CRB2: variants seen among roughly 807,000 people sequenced by gnomAD.
CRB2 encodes the protein protein crumbs homolog 2.
CRB2 carries 85 observed loss-of-function variants against 110.9 expected under a neutral mutation model. The ratio of observed to expected loss-of-function variants is 0.77; its 90% CI spans 0.64 to 0.92. The LOEUF (loss-of-function observed/expected upper bound fraction) is 0.92. Among genes scored for constraint, CRB2 ranks in the 40% least tolerant of loss-of-function variants. The pLI is 0.00. For synonymous variants in CRB2, 907 were observed against 831.0 expected (o/e 1.09, Z -1.57); for missense variants, 1,843 against 1,851.3 (o/e 1.00, Z 0.08).
chr9:123,356,050 G>A (rs575725130), upstream of CRB2: 19 of 422,484 alleles, frequency 4.5e-5, no homozygotes, highest in East Asian at 5.6e-4. Context: ...TAGGGGGCTT[G>A]AGGACTTGGG....
Position 123,359,434 on chromosome 9 carries a change from TTG to T in CRB2, c.94+3082_94+3083del, listed in dbSNP as rs1324543499. On this transcript the variant is annotated intron_variant, in intron 1 of 12. Coordinates refer to ENST00000373631, the MANE Select transcript of CRB2 (RefSeq NM_173689.7). Reference sequence around the variant, plus strand: ...TTTTTTTGTTTGTGGTTTTTCGTTTTTGTTTTGTTTTTTTTTTTTTTTTTTTT... The same window carrying T: ...TTTTTTTGTTTGTGGTTTTTCGTTTTTTTTGTTTTTTTTTTTTTTTTTTTT... Among the ~76,000 whole-genome samples, 4 of 91,916 alleles carry T rather than the reference TTG, an allele frequency of 4.4e-5. 1 individual carries two copies. The highest frequency in any genetic ancestry group is 1.5e-4 in the African/African-American group (3 of 19,910). The allele number at this position is 91,916 out of a possible 152,430, so 60.3% of individuals were successfully genotyped here.
At position 123,376,998 on chromosome 9, in the gene CRB2, T is replaced by C; in HGVS notation, c.3794T>C (p.Val1265Ala). 3 of 1,609,106 alleles carry C rather than the reference T, an allele frequency of 1.9e-6. No individual in the cohort carries two copies. Among genetic ancestry groups the C allele is most frequent in the Non-Finnish European group, 2.5e-6 (3 of 1,178,528 alleles). The change falls in exon 13 of 13, where the codon GTG (valine) becomes GCG (alanine). Residue 1265 changes from valine to alanine, a missense_variant. Coordinates refer to ENST00000373631, the MANE Select transcript of CRB2 (RefSeq NM_173689.7). ...ACCTACAGCCCAAGCCAGCAGGAGG[T>C]GGCTGGGGCCCGGCTGGAGATGGAC... ...EGTYSPSQQE[V>A]AGARLEMDSV... is the part of the protein sequence containing the mutation.
At chr9:123,379,348 C>T (rs995930681), downstream of CRB2, among the ~76,000 whole-genome samples, 2 of 152,224 alleles carry the variant, frequency 1.3e-5, no homozygotes, top group African/African-American at 4.8e-5. Context: ...CCAGGTGTCC[C>T]CTTGAACTCT....
chr9:123,357,600 G>A (rs1390297486), intron 1 of CRB2, among the ~76,000 whole-genome samples: 2 of 152,078 alleles, frequency 1.3e-5, no homozygotes, highest in African/African-American at 2.4e-5. Flanking sequence ...AGGCGACTTG[G>A]GCTCCATAGA....
intron 1 of CRB2, among the ~76,000 whole-genome samples, chr9:123,358,775 T>G (rs1258463941): frequency 6.6e-6 from 1 of 152,222 alleles, no homozygotes; most frequent in Non-Finnish European, 1.5e-5. Context: ...GTCACGTCTC[T>G]TCTCTGTCTC....
At position 123,373,279 on chromosome 9, in the gene CRB2, C is replaced by T. The variant is rs372726074; in HGVS notation, c.2748C>T (p.Ala916=). The change falls in exon 10 of 13, where the codon GCC becomes GCT. Residue 916 remains alanine (A), a synonymous_variant. Transcript: ENST00000373631. ...GGCTGCTGCGTGCCGCGGCGGGCGCCCTGGAAGGCGTGTGGCTGGCGGTGC... is the reference window on the plus strand; with the variant it reads ...GGCTGCTGCGTGCCGCGGCGGGCGCTCTGGAAGGCGTGTGGCTGGCGGTGC... ...EAWLLRAAAG[A]LEGVWLAVRN... The T allele has an allele frequency of 6.3e-3, 9,304 of 1,481,920 alleles. 46 individuals carry two copies. Among genetic ancestry groups the T allele is most frequent in the Non-Finnish European group, 7.3e-3 (8,271 of 1,125,612 alleles). The allele number at this position is 1,481,920 out of a possible 1,614,324, so 91.8% of individuals were successfully genotyped here. A position where few individuals can be genotyped will look rare whatever the true frequency, so the allele number is the denominator to read the frequency against.
chr9:123,365,828 T>G, intron 2 of CRB2, 89 bp from the exon 3 acceptor site: 5 of 1,143,868 alleles, frequency 4.4e-6, no homozygotes, highest in South Asian at 1.8e-5. Flanking sequence ...AATCCACGAG[T>G]CTCTAACTCT....
At chr9:123,366,599 G>A (rs1171605406) in intron 4 of CRB2, among the ~76,000 whole-genome samples, 1 of 152,340 alleles carries the variant, frequency 6.6e-6, no homozygotes, top group African/African-American at 2.4e-5. Flanking sequence ...TGCGACGCCT[G>A]GGAAGCCCTT....
intron 6 of CRB2, among the ~76,000 whole-genome samples, chr9:123,369,872 G>A (rs886370984): frequency 6.6e-6 from 1 of 152,064 alleles, no homozygotes; most frequent in Non-Finnish European, 1.5e-5. Context: ...AGGGGCATTG[G>A]AGAATGTTTA....
chr9:123,370,382 G>C lies in CRB2; in HGVS notation c.1329G>C (p.Val443=), dbSNP rs746675919. ...GTGGCCAGAATACCACCTTCTCTGT[G>C]ATGGCTGGGAGCCCCATTCAGGCAT... is the stretch of plus-strand genomic sequence containing the variant. ...PFCGQNTTFS[V]MAGSPIQASV... Residue 443 remains valine (V), a synonymous_variant, in exon 7 of 13, where the codon GTG becomes GTC. Coordinates refer to ENST00000373631, the MANE Select transcript of CRB2 (RefSeq NM_173689.7). The C allele has an allele frequency of 3.7e-5, 59 of 1,613,674 alleles. No individual in the cohort carries two copies. Among genetic ancestry groups the C allele is most frequent in the Admixed American group, 1.0e-4 (6 of 60,008 alleles).
At chr9:123,367,096 C>G in intron 4 of CRB2, 76 bp from the exon 5 acceptor site, 1 of 1,450,080 alleles carries the variant, frequency 6.9e-7, no homozygotes, top group Non-Finnish European at 9.1e-7. Context: ...TGCTGGCCCT[C>G]GCTAGCCTGG....
chr9:123,376,391 G>A (rs185505743), intron 12 of CRB2, among the ~76,000 whole-genome samples: 16 of 152,250 alleles, frequency 1.1e-4, no homozygotes, highest in Non-Finnish European at 1.9e-4. Context: ...GCCGAGGCTC[G>A]CAGGGACAAG....
chr9:123,376,486 G>A (rs2042104993), intron 12 of CRB2, among the ~76,000 whole-genome samples: 1 of 152,192 alleles, frequency 6.6e-6, no homozygotes, highest in Non-Finnish European at 1.5e-5. Context: ...TTGTGGCAGG[G>A]GGCCGCTCAG....
At chr9:123,366,198 G>T (rs1480605611) in intron 3 of CRB2, 29 bp from the exon 4 acceptor site, 2 of 1,394,344 alleles carry the variant, frequency 1.4e-6, no homozygotes, top group Non-Finnish European at 1.8e-6. Context: ...GCAGGCGCGC[G>T]CTCAGCTCCG....
chr9:123,369,431 C>T (rs73666509), intron 6 of CRB2, among the ~76,000 whole-genome samples: 9 of 152,272 alleles, frequency 5.9e-5, no homozygotes, highest in African/African-American at 1.9e-4. Context: ...TGCAGAGTGA[C>T]ACAGTAGTTT....
chr9:123,367,941 C>T (rs376401025), intron 6 of CRB2, among the ~76,000 whole-genome samples: 16 of 151,940 alleles, frequency 1.1e-4, no homozygotes, highest in African/African-American at 3.9e-4. Context: ...GAGGGATGGT[C>T]TTCAGGGAAG....
At position 123,373,399 on chromosome 9, in the gene CRB2, G is replaced by C; in HGVS notation, c.2868G>C (p.Trp956Cys). 1 of 1,441,496 alleles carries C rather than the reference G, an allele frequency of 6.9e-7. No homozygotes were observed. Among genetic ancestry groups the C allele is most frequent in the Non-Finnish European group, 9.1e-7 (1 of 1,102,784 alleles). The allele number at this position is 1,441,496 out of a possible 1,614,324, so 89.3% of individuals were successfully genotyped here. Residue 956 changes from tryptophan (W) to cysteine (C), a missense_variant, in exon 10 of 13, where the codon TGG (tryptophan) becomes TGC (cysteine). Coordinates refer to ENST00000373631, the MANE Select transcript of CRB2 (RefSeq NM_173689.7). The part of the protein sequence containing the change: ...IPGPRVADGA[W>C]HRVRLAMERP... ...GGCCGCGCGTGGCCGATGGTGCCTGGCACCGCGTGCGTCTGGCCATGGAGC... is the reference window on the plus strand; with the variant it reads ...GGCCGCGCGTGGCCGATGGTGCCTGCCACCGCGTGCGTCTGGCCATGGAGC...
chr9:123,376,590 G>A (rs893731840), intron 12 of CRB2, among the ~76,000 whole-genome samples: 3 of 152,102 alleles, frequency 2.0e-5, no homozygotes, highest in East Asian at 1.9e-4. Context: ...TTCAATAAAC[G>A]CCCATCTCTG....
At chr9:123,363,261 T>C in intron 2 of CRB2, 73 bp downstream of exon 2, 1 of 1,456,022 alleles carries the variant, frequency 6.9e-7, no homozygotes, top group Non-Finnish European at 9.2e-7. Context: ...GTAAGCATCA[T>C]GGCTTCAGCT....
Sources: gnomAD v4.1 joint callset for allele counts (sites outside exome capture counted in the v4.1 genomes callset) on GRCh38, gnomAD v4.1.1 for gene constraint, MANE v1.5 for transcripts, NCBI Gene and HGNC (gene_info 2026-07-23, HGNC 2026-07-21) for gene names.